Variants in SAMD5 observed in about 807,000 individuals in gnomAD.
SAMD5 encodes the protein sterile alpha motif domain-containing protein 5.
In SAMD5, 13 loss-of-function variants were observed where a neutral mutation model predicts 11.3. The observed-to-expected ratio is 1.15, with a 90% confidence interval of 0.75 to 1.83. The LOEUF (loss-of-function observed/expected upper bound fraction) is 1.83, where lower values mean the gene tolerates loss of function less well. Ranked by LOEUF, SAMD5 falls within the 40% of genes most tolerant of loss-of-function variation. The probability of loss-of-function intolerance (pLI) is 0.00; values close to 1 mark genes in which losing one functional copy is unlikely to be tolerated. For synonymous variants in SAMD5, 129 were observed against 111.3 expected, an observed-to-expected ratio of 1.16 and a Z score of -1.00; for missense variants, 255 against 239.1, an observed-to-expected ratio of 1.07 and a Z score of -0.44.
chr6:147,899,517 A>C, the SAMD5 span, among the ~76,000 whole-genome samples: 2 of 152,238 alleles, frequency 1.3e-5, no homozygotes, highest in African/African-American at 4.8e-5. Context: ...CTATGGAAAA[A>C]ATAGACTAGC....
intron 1 of SAMD5, among the ~76,000 whole-genome samples, chr6:147,682,820 G>A (rs1053678902): frequency 6.6e-6 from 1 of 152,040 alleles, no homozygotes; most frequent in African/African-American, 2.4e-5. Flanking sequence ...TATAGTTGAT[G>A]TCTTTGTTTC....
the SAMD5 span, among the ~76,000 whole-genome samples, chr6:147,883,620 A>T: frequency 6.6e-6 from 1 of 152,176 alleles, no homozygotes; most frequent in Non-Finnish European, 1.5e-5. Context: ...TGAAAATCCA[A>T]AGGATTATAA....
the SAMD5 span, among the ~76,000 whole-genome samples, chr6:147,758,538 T>G: frequency 1.3e-5 from 2 of 152,254 alleles, no homozygotes; most frequent in Non-Finnish European, 2.9e-5. Context: ...ATTTCAGCAC[T>G]GAGCTGGATT....
the SAMD5 span, among the ~76,000 whole-genome samples, chr6:147,837,102 G>T: frequency 2.6e-5 from 4 of 152,228 alleles, no homozygotes; most frequent in African/African-American, 9.6e-5. Context: ...GAGTTAGCAA[G>T]AGTATTGTCT....
the SAMD5 span, among the ~76,000 whole-genome samples, chr6:147,930,458 G>A: frequency 2.0e-5 from 3 of 151,974 alleles, no homozygotes; most frequent in African/African-American, 7.3e-5. Flanking sequence ...GAAACATATT[G>A]GTTTCCTGAC....
intron 1 of SAMD5, among the ~76,000 whole-genome samples, chr6:147,632,645 G>C (rs891751830): frequency 6.6e-6 from 1 of 152,234 alleles, no homozygotes; most frequent in African/African-American, 2.4e-5. Context: ...GCCACAGGGC[G>C]TGGTCCCAGT....
At position 147,509,138 on chromosome 6, in the gene SAMD5, C is replaced by A; in HGVS notation, c.210C>A (p.Ala70=). 6.5e-7 allele frequency: 1 copy of A among 1,543,452 alleles called. No individual in the cohort carries two copies. Among genetic ancestry groups the A allele is most frequent in the Non-Finnish European group, 8.7e-7 (1 of 1,147,644 alleles). The part of the protein sequence containing the change: ...RRLREQDANA[A]GLYFTLEPQP... Reference sequence around the variant, plus strand: ...TGCGGGAGCAGGACGCCAACGCCGCCGGCCTCTACTTCACGCTTGAGCCGC... The same window carrying A: ...TGCGGGAGCAGGACGCCAACGCCGCAGGCCTCTACTTCACGCTTGAGCCGC... Residue 70 remains alanine, a synonymous_variant, in exon 1 of 2, where the codon GCC becomes GCA. Transcript: ENST00000367474.
chr6:147,896,183 C>A, the SAMD5 span, among the ~76,000 whole-genome samples: 1 of 152,122 alleles, frequency 6.6e-6, no homozygotes, highest in Admixed American at 6.5e-5. Flanking sequence ...CATTAGTGTC[C>A]TTGTCTTTTA....
intron 1 of SAMD5, among the ~76,000 whole-genome samples, chr6:147,656,537 A>T (rs1790570511): frequency 6.6e-6 from 1 of 152,214 alleles, no homozygotes; most frequent in African/African-American, 2.4e-5. Context: ...TTAAAAGAAA[A>T]AATGAACAAA....
At chr6:147,689,355 T>C (rs1301408079) in intron 1 of SAMD5, among the ~76,000 whole-genome samples, 2 of 152,206 alleles carry the variant, frequency 1.3e-5, no homozygotes, top group African/African-American at 2.4e-5. Flanking sequence ...TCAGAAAGAA[T>C]GGGCTTCAGC....
the SAMD5 span, among the ~76,000 whole-genome samples, chr6:147,949,469 C>A: frequency 6.6e-6 from 1 of 152,166 alleles, no homozygotes; most frequent in African/African-American, 2.4e-5. Flanking sequence ...TTTATTTTCA[C>A]TATAAAGAGA....
the SAMD5 span, among the ~76,000 whole-genome samples, chr6:147,909,080 G>A: frequency 1.3e-5 from 2 of 152,172 alleles, no homozygotes; most frequent in Admixed American, 6.5e-5. Context: ...ATGGTGGTGT[G>A]CACCTGCAGT....
At chr6:147,862,159 T>A in the SAMD5 span, among the ~76,000 whole-genome samples, 1 of 152,154 alleles carries the variant, frequency 6.6e-6, no homozygotes, top group Non-Finnish European at 1.5e-5. Flanking sequence ...TGTTTAGTTT[T>A]TTTTTTAAAT....
the SAMD5 span, among the ~76,000 whole-genome samples, chr6:147,828,930 C>A: frequency 2.0e-5 from 3 of 152,086 alleles, no homozygotes; most frequent in African/African-American, 7.2e-5. Context: ...TAAGAGCTGG[C>A]CAGGCATCCC....
chr6:147,766,104 GAA>G, the SAMD5 span, among the ~76,000 whole-genome samples: 1 of 127,912 alleles, frequency 7.8e-6, no homozygotes, highest in African/African-American at 2.8e-5. Context: ...AGCAATGGAA[GAA>G]AAAAAAAAAC....
chr6:147,817,684 T>C, the SAMD5 span, among the ~76,000 whole-genome samples: 5 of 152,336 alleles, frequency 3.3e-5, no homozygotes, highest in African/African-American at 9.6e-5. Context: ...ACAATCTCCA[T>C]GGGAGCCTGA....
chr6:147,721,027 CTCA>C (rs1346284151), intron 1 of SAMD5, among the ~76,000 whole-genome samples: 1 of 120,722 alleles, frequency 8.3e-6, no homozygotes, highest in Non-Finnish European at 1.7e-5. Context: ...AGGACATGAA[CTCA>C]TCATTTTTTA....
At chr6:147,950,528 C>A in the SAMD5 span, among the ~76,000 whole-genome samples, 1 of 152,278 alleles carries the variant, frequency 6.6e-6, no homozygotes, top group South Asian at 2.1e-4. Context: ...CATTTGGCCC[C>A]GACCTGGTAT....
At position 147,568,768 on chromosome 6, in the gene SAMD5, A is replaced by G. The variant is rs2128445079; in HGVS notation, c.*4312A>G. ...CATCAATTACATATTCCTACATCAG[A>G]TATTTTACACTATCAGATTCTTTGA... On this transcript the variant is annotated 3_prime_UTR_variant, in exon 2 of 2. Coordinates refer to ENST00000367474, the MANE Select transcript of SAMD5 (RefSeq NM_001030060.3). 1.0e-6 allele frequency: 1 copy of G among 972,302 alleles called. No homozygotes were observed. Among genetic ancestry groups the G allele is most frequent in the Non-Finnish European group, 1.2e-6 (1 of 818,016 alleles). 60.2% of individuals were successfully genotyped at this position (972,302 alleles called of 1,614,324 possible).
Sources: allele counts gnomAD v4.1 joint callset (sites outside exome capture counted in the v4.1 genomes callset), GRCh38; gene constraint gnomAD v4.1.1; transcripts MANE v1.5; gene names NCBI Gene and HGNC (gene_info 2026-07-23, HGNC 2026-07-21).